The following AGBL1 variants were observed in gnomAD, a reference collection of about 807,000 sequenced individuals.
AGBL1 encodes cytosolic carboxypeptidase 4.
Under a neutral mutation model 118.9 loss-of-function variants are expected in AGBL1, and 130 were observed. The ratio of observed to expected loss-of-function variants is 1.09; its 90% confidence interval spans 0.95 to 1.26. AGBL1 has a LOEUF of 1.26. Ranked by LOEUF, AGBL1 falls within the 50% of genes most tolerant of loss-of-function variation. The pLI is 0.00. For missense variants in AGBL1, 1,584 were observed against 1,298.1 expected (o/e 1.22, Z -3.38); for synonymous variants, 555 against 478.9 (o/e 1.16, Z -2.08).
At chr15:86,214,919 A>G (rs1386012185) in intron 5 of AGBL1, among the ~76,000 whole-genome samples, 1 of 152,148 alleles carries the variant, frequency 6.6e-6, no homozygotes, top group African/African-American at 2.4e-5. Flanking sequence ...TCTCTTAAAA[A>G]AATTTCCCGT....
At chr15:86,467,987 G>A (rs2082428349) in intron 18 of AGBL1, among the ~76,000 whole-genome samples, 2 of 151,986 alleles carry the variant, frequency 1.3e-5, no homozygotes, top group Admixed American at 1.3e-4. Context: ...CTTTACAGAT[G>A]TTCCTTTATT....
intron 5 of AGBL1, among the ~76,000 whole-genome samples, chr15:86,174,422 A>G (rs768637060): frequency 6.6e-6 from 1 of 152,180 alleles, no homozygotes; most frequent in East Asian, 1.9e-4. Context: ...CTGTTTTCCA[A>G]TTTAAGTGCC....
chr15:86,243,361 T>G (rs187637610), intron 6 of AGBL1, among the ~76,000 whole-genome samples: 10 of 152,286 alleles, frequency 6.6e-5, no homozygotes, highest in Admixed American at 6.5e-4. Flanking sequence ...TAAGAAATAC[T>G]TGGGGTTAAA....
chr15:87,021,287 A>T (rs1234382821), intron 24 of AGBL1, among the ~76,000 whole-genome samples: 1 of 152,190 alleles, frequency 6.6e-6, no homozygotes, highest in Non-Finnish European at 1.5e-5. Flanking sequence ...ACTGGCAGCC[A>T]TATGCAGAAA....
intron 23 of AGBL1, among the ~76,000 whole-genome samples, chr15:86,965,429 C>T (rs1198781786): frequency 6.6e-6 from 1 of 152,018 alleles, no homozygotes; most frequent in East Asian, 1.9e-4. Flanking sequence ...GCATAAATGT[C>T]TTCTTTTGAG....
intron 22 of AGBL1, among the ~76,000 whole-genome samples, chr15:86,722,493 T>C (rs2086740734): frequency 6.6e-6 from 1 of 152,134 alleles, no homozygotes; most frequent in African/African-American, 2.4e-5. Flanking sequence ...TTACACCTTA[T>C]ACAAAAATTA....
chr15:86,906,104 C>T (rs779463298), intron 22 of AGBL1, among the ~76,000 whole-genome samples: 9 of 152,158 alleles, frequency 5.9e-5, no homozygotes, highest in Non-Finnish European at 8.8e-5. Flanking sequence ...TTGTTTATGG[C>T]AAGGCAGGTG....
rs116136996 is a variant in AGBL1, at chr15:86,590,900, A to G, written c.2994+36363A>G. Reference sequence around the variant, plus strand: ...ACTTTTATTTTCCTCACACACTACAATGAAATGACCAAATGAGAAAATATA... The same window carrying G: ...ACTTTTATTTTCCTCACACACTACAGTGAAATGACCAAATGAGAAAATATA... On this transcript the variant is annotated intron_variant, in intron 21 of 22. Transcript: ENST00000614907. Among the ~76,000 whole-genome samples, 908 of 152,330 alleles carry G rather than the reference A, an allele frequency of 6.0e-3. 14 individuals are homozygous for G. The highest frequency in any genetic ancestry group is 0.021 in the African/African-American group (862 of 41,580).
intron 5 of AGBL1, among the ~76,000 whole-genome samples, chr15:86,207,395 C>T (rs1035407934): frequency 6.6e-6 from 1 of 152,124 alleles, no homozygotes; most frequent in Admixed American, 6.6e-5. Flanking sequence ...CTATAAATTA[C>T]CTTGGGCAGT....
intron 19 of AGBL1, among the ~76,000 whole-genome samples, chr15:86,542,336 T>C (rs2083511291): frequency 6.6e-6 from 1 of 151,012 alleles, no homozygotes; most frequent in African/African-American, 2.4e-5. Flanking sequence ...GCCAGGTTTG[T>C]AGGGGATGCC....
chr15:86,623,543 A>C (rs530034545), intron 21 of AGBL1, among the ~76,000 whole-genome samples: 6 of 152,264 alleles, frequency 3.9e-5, no homozygotes, highest in Middle Eastern at 3.4e-3. Flanking sequence ...CTGTCCTCCA[A>C]CCACAGGAAT....
chr15:86,340,966 G>C (rs1057222261), intron 17 of AGBL1, among the ~76,000 whole-genome samples: 1 of 152,198 alleles, frequency 6.6e-6, no homozygotes, highest in Non-Finnish European at 1.5e-5. Context: ...CTGGTAGGTG[G>C]TGAAAGTCCC....
intron 1 of AGBL1, among the ~76,000 whole-genome samples, chr15:86,122,454 A>G (rs1352898282): frequency 1.3e-5 from 2 of 152,202 alleles, no homozygotes; most frequent in African/African-American, 2.4e-5. Flanking sequence ...AAGAAACAGT[A>G]TGGAAAGCAA....
intron 21 of AGBL1, among the ~76,000 whole-genome samples, chr15:86,558,197 G>A (rs1203522984): frequency 3.9e-5 from 6 of 151,966 alleles, no homozygotes; most frequent in Admixed American, 6.6e-5. Flanking sequence ...TAGATGCTGC[G>A]GTCCACCCTC....
At chr15:86,505,549 T>G (rs1302354669) in intron 18 of AGBL1, among the ~76,000 whole-genome samples, 2 of 151,970 alleles carry the variant, frequency 1.3e-5, no homozygotes, top group Non-Finnish European at 2.9e-5. Context: ...CTGTTGAGGA[T>G]CTGTAGTGAT....
chr15:86,645,964 C>T (rs972562724), intron 21 of AGBL1, among the ~76,000 whole-genome samples: 1 of 152,100 alleles, frequency 6.6e-6, no homozygotes, highest in African/African-American at 2.4e-5. Context: ...GACTTCTGAC[C>T]ACATGTCAAT....
At chr15:86,165,632 C>A (rs2077330461) in intron 5 of AGBL1, among the ~76,000 whole-genome samples, 1 of 152,000 alleles carries the variant, frequency 6.6e-6, no homozygotes, top group South Asian at 2.1e-4. Flanking sequence ...GTTTTAATTC[C>A]CTCCCAGCCC....
At chr15:86,497,978 A>G (rs1010764597) in intron 18 of AGBL1, among the ~76,000 whole-genome samples, 1 of 151,878 alleles carries the variant, frequency 6.6e-6, no homozygotes, top group Non-Finnish European at 1.5e-5. Flanking sequence ...TATTTCTAAA[A>G]TTCCTTACAG....
intron 22 of AGBL1, among the ~76,000 whole-genome samples, chr15:86,882,311 A>C (rs1296705150): frequency 6.6e-6 from 1 of 152,226 alleles, no homozygotes; most frequent in East Asian, 1.9e-4. Context: ...CCAACAGTGA[A>C]GATCAGATAT....
Sources: allele counts gnomAD v4.1 joint callset (sites outside exome capture counted in the v4.1 genomes callset), GRCh38; gene constraint gnomAD v4.1.1; transcripts MANE v1.5; gene names NCBI Gene and HGNC (gene_info 2026-07-23, HGNC 2026-07-21).